The following PHKB variants were observed in gnomAD, a reference collection of about 807,000 sequenced individuals.
The protein encoded by PHKB is phosphorylase b kinase regulatory subunit beta.
Under a neutral mutation model 152.1 loss-of-function variants are expected in PHKB, and 122 were observed. The observed-to-expected ratio is 0.80, with a 90% CI of 0.69 to 0.93. The LOEUF (loss-of-function observed/expected upper bound fraction) is 0.93, where lower values mean the gene tolerates loss of function less well. Ranked by LOEUF, PHKB falls within the 40% of genes least tolerant of loss-of-function variation. The pLI is 0.00. For missense variants in PHKB, 1,304 were observed against 1,328.4 expected (o/e 0.98, Z 0.29); for synonymous variants, 436 against 464.9 (o/e 0.94, Z 0.80).
chr16:47,680,003 G>A (rs1018850835), intron 26 of PHKB, among the ~76,000 whole-genome samples: 5 of 152,066 alleles, frequency 3.3e-5, no homozygotes, highest in South Asian at 2.1e-4. Flanking sequence ...TGTCAAAGGC[G>A]TTTTCTGCAT....
chr16:47,498,699 G>A (rs374496910), intron 2 of PHKB, among the ~76,000 whole-genome samples: 6 of 152,070 alleles, frequency 3.9e-5, no homozygotes, highest in African/African-American at 7.2e-5. Flanking sequence ...CCAAGAGTTC[G>A]AGACCAGCCT....
chr16:47,541,187 C>T (rs978938236), intron 6 of PHKB, among the ~76,000 whole-genome samples: 1 of 152,114 alleles, frequency 6.6e-6, no homozygotes, highest in Non-Finnish European at 1.5e-5. Context: ...TGATGTTCCC[C>T]ACCCTGTGTC....
intron 1 of PHKB, among the ~76,000 whole-genome samples, chr16:47,473,457 T>C (rs1312900115): frequency 6.6e-6 from 1 of 151,926 alleles, no homozygotes; most frequent in Non-Finnish European, 1.5e-5. Context: ...TTAGAAATGG[T>C]TTTTAAAAGA....
chr16:47,696,601 G>T (rs904672611), intron 29 of PHKB, 113 bp downstream of exon 29: 2 of 728,714 alleles, frequency 2.7e-6, no homozygotes, highest in Non-Finnish European at 5.0e-6. Flanking sequence ...CCAGTACCCC[G>T]ATCTCTCCTG....
intron 27 of PHKB, among the ~76,000 whole-genome samples, chr16:47,691,307 T>C (rs1205188927): frequency 6.6e-6 from 1 of 152,212 alleles, no homozygotes; most frequent in African/African-American, 2.4e-5. Context: ...AACAAGAATA[T>C]TAGTGGTAAA....
intron 26 of PHKB, among the ~76,000 whole-genome samples, chr16:47,687,903 T>A (rs535327128): frequency 6.6e-6 from 1 of 152,344 alleles, no homozygotes; most frequent in Admixed American, 6.5e-5. Context: ...AGGCTTAGCA[T>A]TTTTTCTTAC....
Position 47,461,400 on chromosome 16 carries a change from A to C in PHKB, c.50A>C (p.Glu17Ala). 1.2e-6 allele frequency: 2 copies of C among 1,613,120 alleles called. No individual in the cohort carries two copies. Among genetic ancestry groups the C allele is most frequent in the Non-Finnish European group, 1.7e-6 (2 of 1,179,800 alleles). ...GCAGAAGTGAGCTGGAAGGTCTTGGAGCGAAGAGCTCGGACCAAGCGCTCA... is the reference window on the plus strand; with the variant it reads ...GCAGAAGTGAGCTGGAAGGTCTTGGCGCGAAGAGCTCGGACCAAGCGCTCA... ...LTAEVSWKVL[E>A]RRARTKRSGS... The change falls in exon 1 of 31, where the codon GAG (glutamate) becomes GCG (alanine). Residue 17 changes from glutamate to alanine, a missense_variant. By Grantham distance (107) the Glu-to-Ala change is moderately radical. Transcript: ENST00000323584.
chr16:47,610,972 T>C lies in PHKB; in HGVS notation c.1458+52T>C, dbSNP rs773727722. 3 of 1,132,814 alleles carry C rather than the reference T, an allele frequency of 2.6e-6. No individual in the cohort carries two copies. In the South Asian group the frequency reaches 3.7e-5, roughly 14 times the overall value. The allele number at this position is 1,132,814 out of a possible 1,614,324, so 70.2% of individuals were successfully genotyped here. A position where few individuals can be genotyped will look rare whatever the true frequency, so the allele number is the denominator to read the frequency against. Reference sequence around the variant, plus strand: ...TAGACTCGTCCAGAGACATTTAAGCTTAATTGAAGAGGAAATTTTTGTTCT... The same window carrying C: ...TAGACTCGTCCAGAGACATTTAAGCCTAATTGAAGAGGAAATTTTTGTTCT... On this transcript the variant is annotated intron_variant, in intron 14 of 30. Coordinates refer to ENST00000323584, the MANE Select transcript of PHKB (RefSeq NM_000293.3).
intron 8 of PHKB, among the ~76,000 whole-genome samples, chr16:47,580,738 C>T (rs1350165822): frequency 6.6e-6 from 1 of 151,514 alleles, no homozygotes; most frequent in African/African-American, 2.4e-5. Flanking sequence ...TAATGTATTT[C>T]AATGTATATC....
At chr16:47,561,441 G>A (rs528553105) in intron 7 of PHKB, 25 of 152,226 alleles carry the variant, frequency 1.6e-4, no homozygotes, top group African/African-American at 5.3e-4. Flanking sequence ...ATCATGAGGC[G>A]GTTTTCAATG....
intron 8 of PHKB, among the ~76,000 whole-genome samples, chr16:47,581,196 A>C (rs755546145): frequency 3.3e-5 from 5 of 152,226 alleles, no homozygotes; most frequent in Non-Finnish European, 5.9e-5. Flanking sequence ...CAATTATAAT[A>C]CTATCTACTC....
At chr16:47,541,795 T>C (rs1971064371) in intron 6 of PHKB, among the ~76,000 whole-genome samples, 1 of 152,006 alleles carries the variant, frequency 6.6e-6, no homozygotes, top group Admixed American at 6.5e-5. Flanking sequence ...CATAAATGTC[T>C]TCTTTTGAAA....
At chr16:47,589,351 A>G (rs1364130444) in intron 10 of PHKB, among the ~76,000 whole-genome samples, 1 of 152,242 alleles carries the variant, frequency 6.6e-6, no homozygotes, top group Non-Finnish European at 1.5e-5. Flanking sequence ...GCACATAGTG[A>G]ATGCTCAGTA....
intron 7 of PHKB, 108 bp from the exon 8 acceptor site, chr16:47,580,187 G>A (rs1249834646): frequency 4.9e-6 from 4 of 810,988 alleles, no homozygotes; most frequent in Non-Finnish European, 8.6e-6. Flanking sequence ...TACAGAAGTT[G>A]TTATAAATGT....
intron 26 of PHKB, among the ~76,000 whole-genome samples, chr16:47,678,021 T>C (rs565295908): frequency 1.1e-4 from 16 of 151,100 alleles, no homozygotes; most frequent in African/African-American, 3.4e-4. Context: ...CATGCGGTGT[T>C]TCCTTTTTTG....
At chr16:47,556,112 C>G (rs1371391321) in intron 7 of PHKB, among the ~76,000 whole-genome samples, 1 of 152,158 alleles carries the variant, frequency 6.6e-6, no homozygotes, top group Non-Finnish European at 1.5e-5. Flanking sequence ...GATTTTTGTA[C>G]ATTGATTTTG....
chr16:47,623,832 A>G (rs1369739301), intron 14 of PHKB, among the ~76,000 whole-genome samples: 1 of 152,150 alleles, frequency 6.6e-6, no homozygotes, highest in Non-Finnish European at 1.5e-5. Flanking sequence ...TACTGGGATT[A>G]CAGGCGTGAG....
intron 7 of PHKB, among the ~76,000 whole-genome samples, chr16:47,551,637 T>C (rs761703507): frequency 1.8e-4 from 27 of 152,224 alleles, no homozygotes; most frequent in Non-Finnish European, 3.7e-4. Context: ...CTTCCAATTA[T>C]GTGGTCAATT....
At chr16:47,624,298 C>T (rs1191921162) in intron 14 of PHKB, among the ~76,000 whole-genome samples, 2 of 152,112 alleles carry the variant, frequency 1.3e-5, no homozygotes, top group Non-Finnish European at 2.9e-5. Context: ...GGCTCCTAAT[C>T]ATATCATTAA....
Sources: allele counts gnomAD v4.1 joint callset (sites outside exome capture counted in the v4.1 genomes callset), GRCh38; gene constraint gnomAD v4.1.1; transcripts MANE v1.5; gene names NCBI Gene and HGNC (gene_info 2026-07-23, HGNC 2026-07-21).